ANXA4: variants seen among roughly 807,000 people sequenced by gnomAD.
The protein encoded by ANXA4 is 35-beta calcimedin.
In ANXA4, 39 loss-of-function variants were observed where a neutral mutation model predicts 49.8. The observed-to-expected ratio is 0.78, with a 90% CI of 0.61 to 1.02. The LOEUF is 1.02. Ranked by LOEUF, ANXA4 falls within the 50% of genes least tolerant of loss-of-function variation. The pLI, the probability that ANXA4 is intolerant of heterozygous loss-of-function variation, is 0.00. For missense variants in ANXA4, 360 were observed against 410.1 expected, an observed-to-expected ratio of 0.88 and a Z score of 1.05; for synonymous variants, 134 against 152.5, an observed-to-expected ratio of 0.88 and a Z score of 0.89.
chr2:69,813,521 G>A (rs1673800481), intron 8 of ANXA4, among the ~76,000 whole-genome samples: 2 of 152,060 alleles, frequency 1.3e-5, no homozygotes. Context: ...AAAGTGCTGG[G>A]ATTACAGGCA....
intron 3 of ANXA4, among the ~76,000 whole-genome samples, chr2:69,721,712 A>G (rs1282537668): frequency 2.0e-5 from 3 of 151,790 alleles, no homozygotes; most frequent in African/African-American, 7.3e-5. Flanking sequence ...AAAAAAAATT[A>G]CTCTGGATTG....
chr2:69,650,567 C>T (rs1208714721), intron 1 of ANXA4, among the ~76,000 whole-genome samples: 1 of 152,062 alleles, frequency 6.6e-6, no homozygotes. Context: ...TCAAGGGATC[C>T]ACCCACCTCA....
At chr2:69,668,335 G>A (rs1259002336) in intron 2 of ANXA4, among the ~76,000 whole-genome samples, 2 of 152,084 alleles carry the variant, frequency 1.3e-5, no homozygotes, top group African/African-American at 4.8e-5. Context: ...TATGATATAC[G>A]GCATGGTGGC....
At chr2:69,812,451 G>A (rs1673747910) in intron 7 of ANXA4, among the ~76,000 whole-genome samples, 1 of 152,150 alleles carries the variant, frequency 6.6e-6, no homozygotes, top group South Asian at 2.1e-4. Flanking sequence ...GGGCCACACT[G>A]AGGCTCAGCC....
chr2:69,687,122 T>C (rs990739115), intron 2 of ANXA4, among the ~76,000 whole-genome samples: 1 of 152,184 alleles, frequency 6.6e-6, no homozygotes, highest in Non-Finnish European at 1.5e-5. Context: ...TTTTCAAATA[T>C]TTGAGAGGCT....
At chr2:69,757,262 ATATATTTTTTTTTTTTT>A (rs1415389257) in intron 1 of ANXA4, among the ~76,000 whole-genome samples, 1,325 of 50,240 alleles carry the variant, frequency 0.026, 35 homozygotes, top group African/African-American at 0.12. Context: ...ATATATATAT[ATATATTTTTTTTTTTTT>A]TTTTTTTTTT....
At position 69,777,158 on chromosome 2, in the gene ANXA4, A is replaced by C. The variant is rs187155507; in HGVS notation, c.-46-4362A>C. 4.3e-3 allele frequency among the ~76,000 whole-genome samples: 655 copies of C among 152,286 alleles called. 5 individuals carry two copies. The highest frequency in any genetic ancestry group is 0.015 in the African/African-American group (631 of 41,568). On this transcript the variant is annotated intron_variant, in intron 1 of 12. Transcript: ENST00000394295. ...GGCCTCTCCAGGCGCACGTCTTCCC[A>C]GCACCTCCATATGTTCACTAACCTG...
chr2:69,795,764 C>T (rs1672917053), intron 3 of ANXA4, among the ~76,000 whole-genome samples: 1 of 152,190 alleles, frequency 6.6e-6, no homozygotes, highest in Non-Finnish European at 1.5e-5. Context: ...CATGAGGATG[C>T]TGGCCCCCAT....
Position 69,820,766 on chromosome 2 carries a change from A to G in ANXA4, c.851A>G (p.Asp284Gly). 2 of 1,614,060 alleles carry G rather than the reference A, an allele frequency of 1.2e-6. No homozygotes were observed. The highest frequency in any genetic ancestry group is 1.6e-4 in the Middle Eastern group (1 of 6,062). Reference sequence around the variant, plus strand: ...TCTCGAGCAGAAATTGACATGTTGGATATCCGGGCACACTTCAAGAGACTC... The same window carrying G: ...TCTCGAGCAGAAATTGACATGTTGGGTATCCGGGCACACTTCAAGAGACTC... ...MVSRAEIDMLDIRAHFKRLYG... is the reference protein window; with the variant it reads ...MVSRAEIDMLGIRAHFKRLYG... The change falls in exon 12 of 13, where the codon GAT (aspartate) becomes GGT (glycine). Residue 284 changes from aspartate (D) to glycine (G), a missense_variant. Physicochemically the swap from Asp to Gly is moderately conservative, Grantham distance 94. Coordinates refer to ENST00000394295, the MANE Select transcript of ANXA4 (RefSeq NM_001153.5).
At chr2:69,759,981 C>T (rs1252477170) in intron 1 of ANXA4, among the ~76,000 whole-genome samples, 3 of 151,980 alleles carry the variant, frequency 2.0e-5, no homozygotes, top group South Asian at 2.1e-4. Flanking sequence ...TACAGGTGCC[C>T]GCCACCATGC....
At chr2:69,740,952 A>T (rs1670379225), upstream of ANXA4, among the ~76,000 whole-genome samples, 2 of 147,230 alleles carry the variant, frequency 1.4e-5, no homozygotes, top group Admixed American at 1.4e-4. Flanking sequence ...CTGGCCTCCC[A>T]AAGTGCTGGG....
At chr2:69,674,278 G>A (rs974550320) in intron 2 of ANXA4, 2 of 152,050 alleles carry the variant, frequency 1.3e-5, no homozygotes, top group African/African-American at 4.8e-5. Flanking sequence ...TTAGGATTTG[G>A]GCTTAATTTC....
chr2:69,718,541 A>G (rs1009965566), intron 2 of ANXA4, among the ~76,000 whole-genome samples: 1 of 152,196 alleles, frequency 6.6e-6, no homozygotes, highest in Non-Finnish European at 1.5e-5. Flanking sequence ...GACTTGTGGA[A>G]TTACTTACAC....
intron 1 of ANXA4, among the ~76,000 whole-genome samples, chr2:69,758,682 TATTAA>T (rs1671155392): frequency 6.6e-6 from 1 of 152,196 alleles, no homozygotes; most frequent in Admixed American, 6.5e-5. Context: ...TACGCCTAAA[TATTAA>T]ATTAAGAATA....
chr2:69,796,439 T>A (rs991602344), intron 3 of ANXA4, among the ~76,000 whole-genome samples: 3 of 152,216 alleles, frequency 2.0e-5, no homozygotes, highest in African/African-American at 7.2e-5. Flanking sequence ...TTTTTGTGGT[T>A]TCCTTCTAAT....
chr2:69,778,854 T>G (rs1270616311), intron 1 of ANXA4, among the ~76,000 whole-genome samples: 3 of 150,226 alleles, frequency 2.0e-5, no homozygotes, highest in African/African-American at 7.3e-5. Flanking sequence ...TCCCAGCACT[T>G]TGGGAGGCTG....
At chr2:69,746,825 A>T (rs917012806) in intron 1 of ANXA4, among the ~76,000 whole-genome samples, 2 of 11,332 alleles carry the variant, frequency 1.8e-4, no homozygotes, top group African/African-American at 5.0e-4. Context: ...AAACAAACAA[A>T]TGAAAAAAAA....
chr2:69,819,157 T>C, intron 10 of ANXA4, 123 bp from the exon 11 acceptor site: 1 of 672,934 alleles, frequency 1.5e-6, no homozygotes, highest in Non-Finnish European at 2.4e-6. Flanking sequence ...ATTGCTTGGC[T>C]AAAATTTCCC....
intron 2 of ANXA4, among the ~76,000 whole-genome samples, chr2:69,695,322 T>C (rs1559086473): frequency 6.6e-6 from 1 of 152,192 alleles, no homozygotes; most frequent in African/African-American, 2.4e-5. Context: ...CCTTTGACTT[T>C]GTCCTGGGGT....
Sources: allele counts gnomAD v4.1 joint callset (sites outside exome capture counted in the v4.1 genomes callset), GRCh38; gene constraint gnomAD v4.1.1; transcripts MANE v1.5; gene names NCBI Gene and HGNC (gene_info 2026-07-23, HGNC 2026-07-21).